The following DOCK3 variants were observed in gnomAD, a reference collection of about 807,000 sequenced individuals.
DOCK3 encodes dedicator of cytokinesis 3.
Under a neutral mutation model 265.6 loss-of-function variants are expected in DOCK3, and 60 were observed. The ratio of observed to expected loss-of-function variants is 0.23; its 90% CI spans 0.18 to 0.28. The LOEUF (loss-of-function observed/expected upper bound fraction) is 0.28. DOCK3 is among the 10% of genes least tolerant of loss of function. The probability of loss-of-function intolerance (pLI) is 1.00; values close to 1 mark genes in which losing one functional copy is unlikely to be tolerated. For synonymous variants in DOCK3, 881 were observed against 938.0 expected, an observed-to-expected ratio of 0.94 and a Z score of 1.11; for missense variants, 1,981 against 2,594.3, an observed-to-expected ratio of 0.76 and a Z score of 5.14.
chr3:50,770,178 A>G (rs2041187855), intron 1 of DOCK3, among the ~76,000 whole-genome samples: 1 of 152,200 alleles, frequency 6.6e-6, no homozygotes, highest in Non-Finnish European at 1.5e-5. Flanking sequence ...ATATTTGCAG[A>G]TGATATTATC....
At chr3:51,138,907 ATTAG>A (rs1560112875) in intron 9 of DOCK3, among the ~76,000 whole-genome samples, 3 of 152,192 alleles carry the variant, frequency 2.0e-5, no homozygotes, top group Non-Finnish European at 2.9e-5. Context: ...TGGTATACAT[ATTAG>A]TTAGATCAAC....
At chr3:50,907,276 G>A (rs1328273783) in intron 4 of DOCK3, among the ~76,000 whole-genome samples, 1 of 152,048 alleles carries the variant, frequency 6.6e-6, no homozygotes, top group Non-Finnish European at 1.5e-5. Context: ...AGTCTGCTTG[G>A]TGCAGAGCTG....
At chr3:50,826,764 TAGCA>T (rs1391344506) in intron 2 of DOCK3, among the ~76,000 whole-genome samples, 1 of 152,100 alleles carries the variant, frequency 6.6e-6, no homozygotes, top group African/African-American at 2.4e-5. Flanking sequence ...AAAAATATGA[TAGCA>T]AGAATGAAAA....
chr3:50,813,660 A>T (rs1041126403), intron 2 of DOCK3, among the ~76,000 whole-genome samples: 1 of 152,242 alleles, frequency 6.6e-6, no homozygotes, highest in Non-Finnish European at 1.5e-5. Flanking sequence ...TGATAAACCC[A>T]TCATGAAGTT....
intron 49 of DOCK3, among the ~76,000 whole-genome samples, chr3:51,368,715 C>G (rs1260473449): frequency 6.6e-6 from 1 of 152,128 alleles, no homozygotes; most frequent in African/African-American, 2.4e-5. Flanking sequence ...AGTGGTTCTC[C>G]CAGCATGGAG....
chr3:50,869,751 TATTC>T (rs2047347461), intron 3 of DOCK3, among the ~76,000 whole-genome samples: 1 of 152,148 alleles, frequency 6.6e-6, no homozygotes, highest in Non-Finnish European at 1.5e-5. Flanking sequence ...ATTGTTAGAT[TATTC>T]ATTCAGAGTT....
At chr3:51,335,908 C>G (rs2084825836) in intron 35 of DOCK3, among the ~76,000 whole-genome samples, 1 of 151,470 alleles carries the variant, frequency 6.6e-6, no homozygotes, top group African/African-American at 2.4e-5. Flanking sequence ...GGGCGAATCA[C>G]TTTAGCCGGG....
chr3:50,991,775 A>G (rs768551244), intron 5 of DOCK3, among the ~76,000 whole-genome samples: 1 of 152,326 alleles, frequency 6.6e-6, no homozygotes, highest in Non-Finnish European at 1.5e-5. Flanking sequence ...ACCAAAAAAA[A>G]ACAACAGAAT....
intron 5 of DOCK3, among the ~76,000 whole-genome samples, chr3:51,001,147 A>C (rs1007257110): frequency 2.0e-5 from 3 of 152,236 alleles, no homozygotes; most frequent in African/African-American, 7.2e-5. Flanking sequence ...ATATTTAGTC[A>C]GATATTAATC....
At chr3:50,730,177 T>C (rs2038105288) in intron 1 of DOCK3, among the ~76,000 whole-genome samples, 1 of 152,070 alleles carries the variant, frequency 6.6e-6, no homozygotes, top group African/African-American at 2.4e-5. Flanking sequence ...AGTCTCACTC[T>C]GTCACCCAGG....
intron 5 of DOCK3, among the ~76,000 whole-genome samples, chr3:51,035,259 C>G (rs1047993104): frequency 6.6e-6 from 1 of 151,966 alleles, no homozygotes; most frequent in African/African-American, 2.4e-5. Flanking sequence ...TAAATTTTTT[C>G]CACAAGTCTT....
chr3:51,239,180 C>G (rs548379961), intron 21 of DOCK3, among the ~76,000 whole-genome samples: 6 of 89,022 alleles, frequency 6.7e-5, no homozygotes, highest in Admixed American at 3.1e-4. Context: ...TATCTTGTAC[C>G]CCAAAGATAA....
intron 4 of DOCK3, among the ~76,000 whole-genome samples, chr3:50,933,067 C>T (rs559361892): frequency 2.6e-5 from 4 of 152,130 alleles, no homozygotes; most frequent in African/African-American, 9.7e-5. Flanking sequence ...AAAAAGCCAT[C>T]AGATCTTGTG....
intron 2 of DOCK3, among the ~76,000 whole-genome samples, chr3:50,782,289 A>ATTTTTTTTTTTTT (rs71084112): frequency 1.8e-5 from 2 of 110,022 alleles, no homozygotes; most frequent in East Asian, 3.1e-4. Flanking sequence ...AGTACCTGTT[A>ATTTTTTTTTTTTT]TTTTTTTTTT....
intron 9 of DOCK3, among the ~76,000 whole-genome samples, chr3:51,102,512 A>G (rs927445079): frequency 6.6e-6 from 1 of 152,238 alleles, no homozygotes; most frequent in Non-Finnish European, 1.5e-5. Flanking sequence ...TTAAAAACAA[A>G]GTCTGGAGAC....
At chr3:51,261,021 C>T (rs4974092) in intron 23 of DOCK3, among the ~76,000 whole-genome samples, 124,854 of 151,938 alleles carry the variant, frequency 0.82, 51,892 homozygotes, top group Middle Eastern at 0.9. Flanking sequence ...TTTAGATTAG[C>T]TTTTATCCAT....
At chr3:51,137,421 A>G (rs1427178089) in intron 9 of DOCK3, among the ~76,000 whole-genome samples, 6 of 152,164 alleles carry the variant, frequency 3.9e-5, no homozygotes, top group South Asian at 2.1e-4. Flanking sequence ...ATTTGAGAAA[A>G]CTGCTTCCGT....
At chr3:50,767,300 T>G (rs143989798) in intron 1 of DOCK3, among the ~76,000 whole-genome samples, 145,196 of 152,190 alleles carry the variant, frequency 0.95, 69,686 homozygotes, top group East Asian at 1. Flanking sequence ...TTTGTATAAG[T>G]TGTAAGGAAG....
chr3:51,062,959 C>A (rs2081466685), intron 5 of DOCK3, among the ~76,000 whole-genome samples: 1 of 152,130 alleles, frequency 6.6e-6, no homozygotes, highest in East Asian at 1.9e-4. Context: ...TCACCTTTTT[C>A]CAGCATTGTG....
Sources: allele counts gnomAD v4.1 joint callset (sites outside exome capture counted in the v4.1 genomes callset), GRCh38; gene constraint gnomAD v4.1.1; transcripts MANE v1.5; gene names NCBI Gene and HGNC (gene_info 2026-07-23, HGNC 2026-07-21).